KIAA0586: variants seen among roughly 807,000 people sequenced by gnomAD.
KIAA0586 encodes protein TALPID3.
Under a neutral mutation model 169.8 loss-of-function variants are expected in KIAA0586, and 144 were observed. The observed-to-expected ratio is 0.85, with a 90% CI of 0.74 to 0.97. The LOEUF is 0.97. KIAA0586 is among the 50% of genes least tolerant of loss of function. KIAA0586 has a pLI of 0.00. For synonymous variants in KIAA0586, 625 were observed against 612.4 expected (o/e 1.02, Z -0.30); for missense variants, 1,854 against 1,823.0 (o/e 1.02, Z -0.31).
chr14:58,521,632 A>G (rs1595473997), intron 29 of KIAA0586: 1 of 1,048,158 alleles, frequency 9.5e-7, no homozygotes, highest in Non-Finnish European at 1.5e-6. Context: ...CCAAGTCTGG[A>G]AAGTTGAAAG....
At chr14:58,485,294 T>C (rs1034358479) in intron 21 of KIAA0586, among the ~76,000 whole-genome samples, 6 of 151,922 alleles carry the variant, frequency 3.9e-5, no homozygotes, top group Non-Finnish European at 5.9e-5. Context: ...ATCACCCATG[T>C]ACATATAAAA....
At chr14:58,546,157 C>G (rs1309480965) in intron 30 of KIAA0586, among the ~76,000 whole-genome samples, 1 of 151,972 alleles carries the variant, frequency 6.6e-6, no homozygotes, top group Admixed American at 6.6e-5. Flanking sequence ...TCACATAAAA[C>G]TTGTTTTCTT....
chr14:58,443,854 C>T, intron 5 of KIAA0586, 100 bp from the exon 6 acceptor site: 1 of 707,064 alleles, frequency 1.4e-6, no homozygotes, highest in Admixed American at 2.8e-5. Flanking sequence ...CAAATTAGAT[C>T]ACTTATCAAT....
intron 5 of KIAA0586, among the ~76,000 whole-genome samples, chr14:58,443,700 G>C (rs547225055): frequency 1.3e-5 from 2 of 152,274 alleles, no homozygotes; most frequent in East Asian, 3.9e-4. Flanking sequence ...TGGGATTAGA[G>C]GTGTGAGCCA....
At chr14:58,540,293 T>G (rs372564631) in intron 30 of KIAA0586, among the ~76,000 whole-genome samples, 157 bp downstream of exon 30, 2 of 152,298 alleles carry the variant, frequency 1.3e-5, no homozygotes, top group African/African-American at 4.8e-5. Flanking sequence ...GGTTACAAAC[T>G]CAGCTCTCCA....
chr14:58,516,228 A>T (rs2044744217), intron 29 of KIAA0586, among the ~76,000 whole-genome samples: 1 of 152,182 alleles, frequency 6.6e-6, no homozygotes, highest in Admixed American at 6.6e-5. Flanking sequence ...AAAGGCAGAG[A>T]GTCTCTCTCA....
chr14:58,488,748 C>A lies in KIAA0586; in HGVS notation c.3655C>A (p.Pro1219Thr), dbSNP rs746264037. 1 of 1,613,900 alleles carries A rather than the reference C, an allele frequency of 6.2e-7. No homozygotes were observed. Among genetic ancestry groups the A allele is most frequent in the Non-Finnish European group, 8.5e-7 (1 of 1,179,848 alleles). Residue 1219 changes from proline (P) to threonine (T), a missense_variant, in exon 24 of 31, where the codon CCA becomes ACA. Physicochemically the swap from Pro to Thr is conservative, Grantham distance 38. Coordinates refer to ENST00000652326, the MANE Select transcript of KIAA0586 (RefSeq NM_001329943.3). ...GTKAPSPSQMPGSDSSTLEST... is the reference protein window; with the variant it reads ...GTKAPSPSQMTGSDSSTLEST... ...CAAGGCCCCTTCCCCCTCACAGATG[C>A]CAGGTTCTGATTCATCAACACTGGA...
intron 29 of KIAA0586, among the ~76,000 whole-genome samples, chr14:58,538,283 C>T (rs8007494): frequency 0.014 from 2,138 of 152,250 alleles, 57 homozygotes; most frequent in African/African-American, 0.048. Flanking sequence ...AAATTTTCTA[C>T]AGTATAACAA....
chr14:58,490,343 A>G, intron 25 of KIAA0586, 103 bp downstream of exon 25: 1 of 515,760 alleles, frequency 1.9e-6, no homozygotes, highest in Non-Finnish European at 3.3e-6. Context: ...AGTTATAGAC[A>G]CAAAATTTAG....
chr14:58,557,769 T>A, the KIAA0586 span, among the ~76,000 whole-genome samples: 5 of 152,092 alleles, frequency 3.3e-5, no homozygotes, highest in Non-Finnish European at 1.5e-5. Flanking sequence ...TTGGCATAGT[T>A]AGGGATATAC....
At chr14:58,450,960 C>T (rs1161660862) in intron 8 of KIAA0586, among the ~76,000 whole-genome samples, 2 of 149,738 alleles carry the variant, frequency 1.3e-5, no homozygotes, top group African/African-American at 4.9e-5. Context: ...TTACTTAAAC[C>T]TTTAATGAAC....
chr14:58,519,390 C>A (rs1467531815), intron 29 of KIAA0586, among the ~76,000 whole-genome samples: 2 of 152,094 alleles, frequency 1.3e-5, no homozygotes, highest in Non-Finnish European at 2.9e-5. Context: ...AGGTGTGTGC[C>A]ATCATGCCTG....
intron 29 of KIAA0586, among the ~76,000 whole-genome samples, chr14:58,537,814 A>AT (rs935673356): frequency 1.3e-5 from 2 of 151,800 alleles, no homozygotes; most frequent in Non-Finnish European, 2.9e-5. Context: ...CGCCCGGCTA[A>AT]TTTTTTGTAT....
intron 15 of KIAA0586, 94 bp from the exon 16 acceptor site, chr14:58,467,641 T>A: frequency 1.1e-6 from 1 of 882,328 alleles, no homozygotes; most frequent in South Asian, 1.9e-5. Context: ...CTTTTTTAAA[T>A]ATGAGAATAT....
At chr14:58,429,735 T>G (rs1215057098) in intron 2 of KIAA0586, among the ~76,000 whole-genome samples, 1 of 152,142 alleles carries the variant, frequency 6.6e-6, no homozygotes, top group Non-Finnish European at 1.5e-5. Flanking sequence ...AGACTTAACA[T>G]GTTCTTAGGT....
chr14:58,484,253 A>G (rs572361286), intron 21 of KIAA0586, among the ~76,000 whole-genome samples: 44 of 152,186 alleles, frequency 2.9e-4, no homozygotes, highest in African/African-American at 1.0e-3. Flanking sequence ...GGCAAGCACT[A>G]CTCGCAGCCT....
intron 29 of KIAA0586, chr14:58,539,726 G>A (rs1192532557): frequency 2.0e-5 from 4 of 196,394 alleles, no homozygotes; most frequent in African/African-American, 4.8e-5. Context: ...TAAATTCTTA[G>A]GTAAGAGAAT....
chr14:58,481,317 A>C (rs17094607), intron 20 of KIAA0586, among the ~76,000 whole-genome samples: 1,767 of 152,296 alleles, frequency 0.012, 40 homozygotes, highest in African/African-American at 0.041. Context: ...TCACTACTTT[A>C]AGTCAAGTAA....
the KIAA0586 span, among the ~76,000 whole-genome samples, chr14:58,558,271 T>C: frequency 6.6e-6 from 1 of 152,212 alleles, no homozygotes; most frequent in Non-Finnish European, 1.5e-5. Flanking sequence ...GTTTTCATTC[T>C]GGAGGATAAC....
Sources: allele counts gnomAD v4.1 joint callset (sites outside exome capture counted in the v4.1 genomes callset), GRCh38; gene constraint gnomAD v4.1.1; transcripts MANE v1.5; gene names NCBI Gene and HGNC (gene_info 2026-07-23, HGNC 2026-07-21).